Variants in SPIRE1 observed in about 807,000 individuals in gnomAD.
The protein encoded by SPIRE1 is protein spire homolog 1.
Under a neutral mutation model 94.1 loss-of-function variants are expected in SPIRE1, and 40 were observed. That is an observed-to-expected ratio of 0.43 (90% CI 0.33 to 0.55). The LOEUF is 0.55. Among genes scored for constraint, SPIRE1 ranks in the 20% least tolerant of loss-of-function variants. The probability of loss-of-function intolerance (pLI) is 0.06; values close to 1 mark genes in which losing one functional copy is unlikely to be tolerated. For synonymous variants in SPIRE1, 376 were observed against 371.7 expected (o/e 1.01, Z -0.13); for missense variants, 838 against 975.2 (o/e 0.86, Z 1.87).
chr18:12,580,773 GGCATGGTGGCTCAC>G (rs2036234279), intron 2 of SPIRE1, among the ~76,000 whole-genome samples: 1 of 152,158 alleles, frequency 6.6e-6, no homozygotes, highest in Non-Finnish European at 1.5e-5. Context: ...TCAAGGCCCA[GGCATGGTGGCTCAC>G]GCCTGTAATT....
intron 4 of SPIRE1, among the ~76,000 whole-genome samples, chr18:12,528,394 C>T (rs1343311739): frequency 6.6e-6 from 1 of 152,028 alleles, no homozygotes; most frequent in Non-Finnish European, 1.5e-5. Context: ...AGAATGACTT[C>T]GATTGGAAAA....
At chr18:12,507,418 G>A (rs1184821046) in intron 5 of SPIRE1, among the ~76,000 whole-genome samples, 2 of 152,158 alleles carry the variant, frequency 1.3e-5, no homozygotes, top group South Asian at 2.1e-4. Flanking sequence ...ACTAAAAAAG[G>A]CTGGGTGCAA....
intron 2 of SPIRE1, among the ~76,000 whole-genome samples, chr18:12,585,095 C>T (rs9947738): frequency 0.56 from 84,559 of 151,894 alleles, 24,670 homozygotes; most frequent in Middle Eastern, 0.75. Context: ...TGAGCTACCA[C>T]GCCAGGCCAA....
At chr18:12,634,972 G>C (rs943031278) in intron 2 of SPIRE1, 90 bp downstream of exon 2, 1 of 649,040 alleles carries the variant, frequency 1.5e-6, no homozygotes, top group East Asian at 3.0e-5. Flanking sequence ...AGAAGACCAA[G>C]AACCTATAGT....
chr18:12,603,443 G>A lies in SPIRE1; in HGVS notation c.372+31619C>T, dbSNP rs184892332. 5.0e-4 allele frequency among the ~76,000 whole-genome samples: 76 copies of A among 152,218 alleles called. No homozygotes were observed. The East Asian group carries it at 0.014, about 29-fold the overall frequency. ...TTGTATATTAATGATTGAAGGCTGG[G>A]CCACCCCTAGGTAGCTTCAGGATGG... On this transcript the variant is annotated intron_variant, in intron 2 of 16. Coordinates refer to ENST00000409402, the MANE Select transcript of SPIRE1 (RefSeq NM_001128626.2).
At chr18:12,495,939 G>T in intron 7 of SPIRE1, 77 bp downstream of exon 7, 1 of 1,114,334 alleles carries the variant, frequency 9.0e-7, no homozygotes. Flanking sequence ...GGAAAGCTGA[G>T]TTCTAGAGAT....
intron 4 of SPIRE1, among the ~76,000 whole-genome samples, chr18:12,532,585 T>C (rs2034715708): frequency 6.6e-6 from 1 of 152,196 alleles, no homozygotes; most frequent in Non-Finnish European, 1.5e-5. Flanking sequence ...CACTAACTCA[T>C]AGGTATAAAG....
intron 2 of SPIRE1, among the ~76,000 whole-genome samples, chr18:12,586,283 C>A (rs1223328699): frequency 3.3e-5 from 5 of 152,120 alleles, no homozygotes; most frequent in Non-Finnish European, 4.4e-5. Flanking sequence ...TACAAAAAAA[C>A]GTAAAAATCA....
chr18:12,524,097 G>T (rs1004892586), intron 4 of SPIRE1, among the ~76,000 whole-genome samples: 1 of 152,086 alleles, frequency 6.6e-6, no homozygotes, highest in Non-Finnish European at 1.5e-5. Context: ...AATCCAACCC[G>T]CAATATCTCT....
intron 2 of SPIRE1, among the ~76,000 whole-genome samples, chr18:12,553,511 G>A (rs2035417384): frequency 6.6e-6 from 1 of 152,226 alleles, no homozygotes; most frequent in Non-Finnish European, 1.5e-5. Context: ...GGCGAGGGAA[G>A]AGTGGGAAGG....
chr18:12,605,540 C>A (rs1411145609), intron 2 of SPIRE1, among the ~76,000 whole-genome samples: 2 of 151,978 alleles, frequency 1.3e-5, no homozygotes, highest in Admixed American at 6.6e-5. Context: ...TAAAGAAATT[C>A]TTTTCACCTT....
At chr18:12,473,183 A>C (rs758590845) in intron 10 of SPIRE1, among the ~76,000 whole-genome samples, 1 of 152,154 alleles carries the variant, frequency 6.6e-6, no homozygotes, top group Non-Finnish European at 1.5e-5. Context: ...CTGGCCTCCC[A>C]GAGTGCTGGG....
chr18:12,567,285 A>G (rs1259797285), intron 2 of SPIRE1, among the ~76,000 whole-genome samples: 1 of 152,216 alleles, frequency 6.6e-6, no homozygotes, highest in Non-Finnish European at 1.5e-5. Flanking sequence ...AGATCTGTAT[A>G]AGGAAAAATA....
At chr18:12,475,131 T>C (rs1349878623) in intron 10 of SPIRE1, among the ~76,000 whole-genome samples, 3 of 152,084 alleles carry the variant, frequency 2.0e-5, no homozygotes, top group African/African-American at 7.2e-5. Flanking sequence ...ACGGGAGAAA[T>C]ACATCAACAT....
intron 4 of SPIRE1, among the ~76,000 whole-genome samples, chr18:12,515,479 T>C (rs553270287): frequency 6.6e-6 from 1 of 152,264 alleles, no homozygotes; most frequent in African/African-American, 2.4e-5. Context: ...ATCACACCAC[T>C]GCACTCCAAC....
chr18:12,617,321 T>C (rs546839424), intron 2 of SPIRE1, among the ~76,000 whole-genome samples: 74 of 151,592 alleles, frequency 4.9e-4, no homozygotes, highest in African/African-American at 1.7e-3. Flanking sequence ...TTCAAGCGAT[T>C]CTCCTGTCCC....
chr18:12,453,433 AT>A (rs34797411), intron 13 of SPIRE1, among the ~76,000 whole-genome samples: 424 of 144,460 alleles, frequency 2.9e-3, no homozygotes, highest in East Asian at 0.014. Flanking sequence ...TCTCAGATAC[AT>A]TTTTTTTTTT....
intron 6 of SPIRE1, among the ~76,000 whole-genome samples, chr18:12,505,689 T>A (rs2033810086): frequency 6.6e-6 from 1 of 152,198 alleles, no homozygotes; most frequent in South Asian, 2.1e-4. Context: ...AAGGATTTCA[T>A]GGTGGACATT....
chr18:12,628,840 GCTCT>G (rs1216260415), intron 2 of SPIRE1, among the ~76,000 whole-genome samples: 1 of 151,850 alleles, frequency 6.6e-6, no homozygotes, highest in Non-Finnish European at 1.5e-5. Context: ...TCATGATTTG[GCTCT>G]CTGTCTGTTA....
Sources: gnomAD v4.1 joint callset for allele counts (sites outside exome capture counted in the v4.1 genomes callset) on GRCh38, gnomAD v4.1.1 for gene constraint, MANE v1.5 for transcripts, NCBI Gene and HGNC (gene_info 2026-07-23, HGNC 2026-07-21) for gene names.